The following ZBTB20 variants were observed in gnomAD, a reference collection of about 807,000 sequenced individuals.
ZBTB20 encodes zinc finger and BTB domain-containing protein 20.
A neutral mutation model predicts 56.9 loss-of-function variants in ZBTB20; 9 were observed. That is an observed-to-expected ratio of 0.16 (90% CI 0.10 to 0.28). ZBTB20 has a LOEUF of 0.28. Among genes scored for constraint, ZBTB20 ranks in the 10% least tolerant of loss-of-function variants. The pLI is 1.00. For missense variants in ZBTB20, 655 were observed against 1,003.0 expected (o/e 0.65, Z 4.69); for synonymous variants, 417 against 420.7 (o/e 0.99, Z 0.11).
intron 1 of ZBTB20, among the ~76,000 whole-genome samples, chr3:115,106,621 C>T (rs1219955472): frequency 6.6e-6 from 1 of 152,102 alleles, no homozygotes; most frequent in Admixed American, 6.5e-5. Context: ...GAGTACCATC[C>T]TTAAATGGGA....
At chr3:114,398,144 A>T (rs2086495488) in intron 7 of ZBTB20, among the ~76,000 whole-genome samples, 1 of 152,130 alleles carries the variant, frequency 6.6e-6, no homozygotes, top group Non-Finnish European at 1.5e-5. Context: ...TGTATCCTTT[A>T]TGAAATTTTC....
At chr3:114,963,908 A>G (rs886174597) in intron 3 of ZBTB20, among the ~76,000 whole-genome samples, 1 of 152,194 alleles carries the variant, frequency 6.6e-6, no homozygotes, top group Admixed American at 6.6e-5. Flanking sequence ...AAATTTAGTA[A>G]ACAAATTTTT....
chr3:114,931,705 T>TG (rs1167071502), intron 3 of ZBTB20, among the ~76,000 whole-genome samples: 2 of 148,268 alleles, frequency 1.3e-5, no homozygotes, highest in Non-Finnish European at 3.0e-5. Flanking sequence ...TTTTTGTGTG[T>TG]TTTTTTTTTA....
intron 5 of ZBTB20, among the ~76,000 whole-genome samples, chr3:114,748,290 CTTTCTTTCTTTCTTTCTT>C (rs2067225436): frequency 8.0e-6 from 1 of 124,306 alleles, no homozygotes; most frequent in Admixed American, 8.1e-5. Flanking sequence ...TTCTTTCTTT[CTTTCTTTCTTTCTTTCTT>C]TCTTTCTTTC....
rs181426283 is a variant in ZBTB20 at position 114,914,740 on chromosome 3, G to A, written c.-455-14398C>T. Among the ~76,000 whole-genome samples, 134 of 151,584 alleles carry A rather than the reference G, an allele frequency of 8.8e-4. 2 individuals are homozygous for A. The highest frequency in any genetic ancestry group is 3.0e-3 in the African/African-American group (124 of 41,362). On this transcript the variant is annotated intron_variant, in intron 3 of 11. Transcript: ENST00000675478. Reference sequence around the variant, plus strand: ...TTATTATGTTGAGATATGTTACTTCGATATCCAGTTTTTTGAGGGTTTTTT... The same window carrying A: ...TTATTATGTTGAGATATGTTACTTCAATATCCAGTTTTTTGAGGGTTTTTT...
chr3:114,451,290 T>C (rs537632089), intron 7 of ZBTB20, among the ~76,000 whole-genome samples: 1 of 152,284 alleles, frequency 6.6e-6, no homozygotes, highest in African/African-American at 2.4e-5. Flanking sequence ...CTTCTACTTT[T>C]ATTTCTCTCT....
At chr3:114,487,657 A>C (rs998602512) in intron 7 of ZBTB20, among the ~76,000 whole-genome samples, 30 of 152,220 alleles carry the variant, frequency 2.0e-4, no homozygotes, top group African/African-American at 5.5e-4. Context: ...CAGAACCCAG[A>C]TGCTCCCTGT....
At chr3:114,643,673 A>C (rs544976300) in intron 6 of ZBTB20, among the ~76,000 whole-genome samples, 47 of 152,228 alleles carry the variant, frequency 3.1e-4, no homozygotes, top group Admixed American at 1.7e-3. Flanking sequence ...GGAAGAGTGA[A>C]AAACTTCCCC....
intron 3 of ZBTB20, among the ~76,000 whole-genome samples, chr3:114,919,662 A>G (rs1018933131): frequency 2.6e-5 from 4 of 151,764 alleles, no homozygotes; most frequent in African/African-American, 9.7e-5. Context: ...CCAAGATTGT[A>G]CCACTGCACT....
At chr3:114,636,755 A>G (rs557028382) in intron 6 of ZBTB20, among the ~76,000 whole-genome samples, 2 of 152,218 alleles carry the variant, frequency 1.3e-5, no homozygotes, top group African/African-American at 4.8e-5. Context: ...CAGAGGGACA[A>G]AGGAACTACA....
At chr3:114,680,275 A>G (rs796354720) in intron 6 of ZBTB20, among the ~76,000 whole-genome samples, 3 of 152,344 alleles carry the variant, frequency 2.0e-5, no homozygotes, top group African/African-American at 4.8e-5. Flanking sequence ...CCCAGAACTT[A>G]AAGTATAACT....
chr3:114,861,942 C>A (rs2075554460), intron 4 of ZBTB20: 1 of 152,190 alleles, frequency 6.6e-6, no homozygotes, highest in African/African-American at 2.4e-5. Context: ...ATACTATTTA[C>A]TTTCCCCAAA....
At chr3:114,389,371 G>A (rs1484705872) in intron 7 of ZBTB20, among the ~76,000 whole-genome samples, 2 of 152,136 alleles carry the variant, frequency 1.3e-5, no homozygotes, top group South Asian at 2.1e-4. Flanking sequence ...CTGATTTTGT[G>A]GTTCTGACTT....
chr3:115,036,800 T>C (rs536280465), intron 2 of ZBTB20, among the ~76,000 whole-genome samples: 2 of 152,160 alleles, frequency 1.3e-5, no homozygotes, highest in Non-Finnish European at 2.9e-5. Context: ...CTTGAAGAGA[T>C]AGCATTAACC....
intron 4 of ZBTB20, among the ~76,000 whole-genome samples, chr3:114,894,109 G>A (rs969349003): frequency 2.9e-5 from 1 of 34,554 alleles, no homozygotes; most frequent in Admixed American, 4.2e-4. Context: ...TTTTTATCAG[G>A]TTTATCCATT....
chr3:114,351,384 G>C lies in ZBTB20; in HGVS notation c.694C>G (p.Leu232Val), dbSNP rs369835747. Residue 232 changes from leucine (L) to valine (V), a missense_variant, in exon 11 of 12, where the codon CTG (leucine) becomes GTG (valine). Leu to Val is a conservative substitution (Grantham distance 32, BLOSUM62 1). Around this residue, in one of 10 missense-constraint regions of ZBTB20, gnomAD observed 167 missense variants for 281.9 expected, o/e 0.59. Coordinates refer to ENST00000675478, the MANE Select transcript of ZBTB20 (RefSeq NM_001348800.3). ...ACGCTGTGCTGTGGGTGGCTCTGCA[G>C]GTAGCCCGACTCCGTGTCGCTGCTC... is the stretch of plus-strand genomic sequence containing the variant. ...GQSSDTESGY[L>V]QSHPQHSVDR... 9.6e-5 allele frequency: 155 copies of C among 1,611,840 alleles called. No individual in the cohort carries two copies. The highest frequency in any genetic ancestry group is 1.2e-4 in the Non-Finnish European group (142 of 1,179,858).
chr3:114,749,041 C>T (rs1489910704), intron 5 of ZBTB20, among the ~76,000 whole-genome samples: 4 of 152,212 alleles, frequency 2.6e-5, no homozygotes, highest in South Asian at 2.1e-4. Flanking sequence ...AGGAGGCACT[C>T]GATGAGAAGT....
In ZBTB20 at chr3:114,894,688, G is replaced by A. The variant is rs189256214; in HGVS notation, c.-417+5616C>T. On this transcript the variant is annotated intron_variant, in intron 4 of 11. Coordinates refer to ENST00000675478, the MANE Select transcript of ZBTB20 (RefSeq NM_001348800.3). ...TATGGAGAGACATAGGAAGGAGATG[G>A]CCATCTATATGTCAAGGAGAAAGGC... is the stretch of plus-strand genomic sequence containing the variant. 8.7e-4 allele frequency among the ~76,000 whole-genome samples: 132 copies of A among 152,268 alleles called. 1 individual carries two copies. The highest frequency in any genetic ancestry group is 6.8e-3 in the Middle Eastern group (2 of 294).
At chr3:114,634,639 C>A (rs1467463786) in intron 6 of ZBTB20, among the ~76,000 whole-genome samples, 1 of 152,150 alleles carries the variant, frequency 6.6e-6, no homozygotes, top group Admixed American at 6.6e-5. Flanking sequence ...AATAGAGGCA[C>A]CCTAGAGGAT....
Sources: allele counts gnomAD v4.1 joint callset (sites outside exome capture counted in the v4.1 genomes callset), GRCh38; gene constraint gnomAD v4.1.1; regional missense constraint gnomAD v4.1.1; transcripts MANE v1.5; gene names NCBI Gene and HGNC (gene_info 2026-07-23, HGNC 2026-07-21).